Variants in PCBP3 observed in about 807,000 individuals in gnomAD.
PCBP3 encodes the protein poly(rC)-binding protein 3.
PCBP3 carries 25 observed loss-of-function variants against 52.7 expected under a neutral mutation model. The observed-to-expected ratio is 0.47, with a 90% confidence interval of 0.35 to 0.66. The LOEUF (loss-of-function observed/expected upper bound fraction) is 0.66, where lower values mean the gene tolerates loss of function less well. Ranked by LOEUF, PCBP3 falls within the 30% of genes least tolerant of loss-of-function variation. PCBP3 has a pLI of 0.01. For missense variants in PCBP3, 391 were observed against 490.3 expected (o/e 0.80, Z 1.91); for synonymous variants, 162 against 183.0 (o/e 0.89, Z 0.93).
intron 4 of PCBP3, among the ~76,000 whole-genome samples, chr21:45,816,084 T>C (rs913327267): frequency 8.2e-6 from 1 of 122,208 alleles, no homozygotes; most frequent in African/African-American, 3.3e-5. Context: ...TGGTGAGTGA[T>C]GAGTGGTGAG....
At chr21:45,941,367 G>A (rs938903001) in intron 17 of PCBP3, among the ~76,000 whole-genome samples, 2 of 152,202 alleles carry the variant, frequency 1.3e-5, no homozygotes, top group Non-Finnish European at 2.9e-5. Context: ...GTGTGAGGCT[G>A]GGAAGGCCCT....
chr21:45,921,409 T>C (rs1402274574), intron 13 of PCBP3, among the ~76,000 whole-genome samples: 1 of 152,204 alleles, frequency 6.6e-6, no homozygotes. Context: ...AGAAAATACA[T>C]TCCTTAGGTT....
intron 5 of PCBP3, among the ~76,000 whole-genome samples, chr21:45,874,212 C>T (rs2095156612): frequency 6.6e-6 from 1 of 152,268 alleles, no homozygotes; most frequent in Non-Finnish European, 1.5e-5. Flanking sequence ...AATCGGCTCA[C>T]TTTGACCTTT....
At chr21:45,676,491 T>C (rs1253644896) in intron 2 of PCBP3, among the ~76,000 whole-genome samples, 1 of 152,232 alleles carries the variant, frequency 6.6e-6, no homozygotes, top group Non-Finnish European at 1.5e-5. Context: ...CTTCTCATGA[T>C]ATTTCAAACA....
intron 2 of PCBP3, among the ~76,000 whole-genome samples, chr21:45,685,492 A>G (rs2082097850): frequency 6.6e-6 from 1 of 152,246 alleles, no homozygotes; most frequent in African/African-American, 2.4e-5. Context: ...TGGAGTAACC[A>G]GGATAGGACT....
intron 5 of PCBP3, among the ~76,000 whole-genome samples, chr21:45,854,762 C>G (rs2094202524): frequency 6.6e-6 from 1 of 152,184 alleles, no homozygotes; most frequent in African/African-American, 2.4e-5. Flanking sequence ...CTTAATTTCC[C>G]TCTTGGATTG....
chr21:45,938,896 T>C (rs2077158869), intron 16 of PCBP3, among the ~76,000 whole-genome samples: 1 of 152,208 alleles, frequency 6.6e-6, no homozygotes, highest in African/African-American at 2.4e-5. Flanking sequence ...TGTCCCACCA[T>C]GGAGCTGCTG....
chr21:45,667,820 T>G lies in PCBP3; in HGVS notation c.-278-1054T>G, dbSNP rs370534389. Among the ~76,000 whole-genome samples the G allele has an allele frequency of 1.7e-3, 266 of 152,298 alleles. 1 individual carries two copies. The highest frequency in any genetic ancestry group is 5.7e-3 in the African/African-American group (237 of 41,568). On this transcript the variant is annotated intron_variant, in intron 1 of 17. Coordinates refer to ENST00000681687, the MANE Select transcript of PCBP3 (RefSeq NM_001384156.1). The stretch of plus-strand genomic sequence containing the variant: ...TCTGATTCTCCTTTCTTCCATTTTT[T>G]TTGTTGTTGTTGTTGCTGCTGCTTG...
At chr21:45,669,803 G>GTACA (rs1394969213) in intron 2 of PCBP3, among the ~76,000 whole-genome samples, 1 of 54,406 alleles carries the variant, frequency 1.8e-5, no homozygotes, top group East Asian at 5.5e-4. Flanking sequence ...GTGTGTGTGT[G>GTACA]TGTATATATA....
In PCBP3 at chr21:45,853,911, G is replaced by A. The variant is rs2094154587; in HGVS notation, c.10+3816G>A. ...AAGGAGCCGATGGTACGGGGCAGGA[G>A]CCGCTCCCAGGAAGCGGTGGTGCCG... On this transcript the variant is annotated intron_variant, in intron 5 of 17. Transcript: ENST00000681687. The surrounding 1 kb of genome is among the most constrained non-coding windows in gnomAD (Gnocchi z 4.6). 3 of 152,196 alleles carry A rather than the reference G, an allele frequency of 2.0e-5. No homozygotes were observed. Among genetic ancestry groups the A allele is most frequent in the Non-Finnish European group, 4.4e-5 (3 of 68,054 alleles). The allele number at this position is 152,196 out of a possible 1,614,324, so 9.4% of individuals were successfully genotyped here.
chr21:45,751,324 A>G (rs1236027644), intron 3 of PCBP3: 1 of 151,998 alleles, frequency 6.6e-6, no homozygotes, highest in African/African-American at 2.4e-5. Context: ...TCTTTTTACT[A>G]TTTTTATTGT....
chr21:45,767,894 T>TA (rs1220601853), intron 4 of PCBP3, among the ~76,000 whole-genome samples: 18 of 152,302 alleles, frequency 1.2e-4, no homozygotes, highest in Non-Finnish European at 2.4e-4. Context: ...GGAGGGCTGT[T>TA]AGAGGGGCAG....
At chr21:45,667,817 T>G (rs980654999) in intron 1 of PCBP3, among the ~76,000 whole-genome samples, 2 of 152,226 alleles carry the variant, frequency 1.3e-5, no homozygotes, top group African/African-American at 4.8e-5. Flanking sequence ...TTCTTCCATT[T>G]TTTTTGTTGT....
chr21:45,765,169 G>C (rs1057418806), intron 4 of PCBP3, among the ~76,000 whole-genome samples: 1 of 152,198 alleles, frequency 6.6e-6, no homozygotes. Flanking sequence ...GGTGGGGATA[G>C]ACAGAGAGGC....
chr21:45,755,594 A>G (rs879284432), intron 4 of PCBP3, among the ~76,000 whole-genome samples, 142 bp downstream of exon 4: 4 of 152,174 alleles, frequency 2.6e-5, no homozygotes, highest in Non-Finnish European at 4.4e-5. Context: ...CAGTGTTGTC[A>G]GCTTTTAAAA....
intron 6 of PCBP3, among the ~76,000 whole-genome samples, chr21:45,897,537 T>C (rs1041808831): frequency 2.6e-5 from 4 of 152,164 alleles, no homozygotes; most frequent in African/African-American, 9.7e-5. Flanking sequence ...TGCTATGTTG[T>C]TCCCCGGCTT....
intron 1 of PCBP3, among the ~76,000 whole-genome samples, chr21:45,650,821 C>G (rs1311134236): frequency 6.6e-6 from 1 of 152,062 alleles, no homozygotes; most frequent in Non-Finnish European, 1.5e-5. Flanking sequence ...GAGACACTTG[C>G]AGTAGCAATT....
intron 5 of PCBP3, among the ~76,000 whole-genome samples, chr21:45,864,315 C>T (rs748330404): frequency 3.9e-5 from 6 of 152,090 alleles, no homozygotes; most frequent in Non-Finnish European, 8.8e-5. Context: ...TGGGTGCTGC[C>T]GATGGATGGA....
At position 45,736,756 on chromosome 21, in the gene PCBP3, A is replaced by G. The variant is rs1020777239; in HGVS notation, c.-162+1327A>G. Among the ~76,000 whole-genome samples the G allele has an allele frequency of 2.0e-5, 3 of 152,192 alleles. No individual in the cohort carries two copies. The highest frequency in any genetic ancestry group is 7.2e-5 in the African/African-American group (3 of 41,436). On this transcript the variant is annotated intron_variant, in intron 3 of 17. Coordinates refer to ENST00000681687, the MANE Select transcript of PCBP3 (RefSeq NM_001384156.1). This position sits in a 1 kb window ranked among gnomAD's most constrained non-coding sequence, Gnocchi z 4.6. ...GTTTGTTCCTTCATTCGTTCAGCAC[A>G]TGTTTACAGTGTGCCTGTGATGTCC...
Sources: gnomAD v4.1 joint callset for allele counts (sites outside exome capture counted in the v4.1 genomes callset) on GRCh38, gnomAD v4.1.1 for gene constraint, Gnocchi (gnomAD v3.1) non-coding constraint, MANE v1.5 for transcripts, NCBI Gene and HGNC (gene_info 2026-07-23, HGNC 2026-07-21) for gene names.